Variants in MACROD2 observed in about 807,000 individuals in gnomAD.
The protein encoded by MACROD2 is ADP-ribose glycohydrolase MACROD2.
Under a neutral mutation model 70.4 loss-of-function variants are expected in MACROD2, and 36 were observed. That is an observed-to-expected ratio of 0.51 (90% confidence interval 0.39 to 0.68). The LOEUF is 0.68. Among genes scored for constraint, MACROD2 ranks in the 30% least tolerant of loss-of-function variants. MACROD2 has a pLI of 0.00. For synonymous variants in MACROD2, 172 were observed against 178.8 expected, an observed-to-expected ratio of 0.96 and a Z score of 0.30; for missense variants, 496 against 538.4, an observed-to-expected ratio of 0.92 and a Z score of 0.78.
intron 3 of MACROD2, among the ~76,000 whole-genome samples, chr20:14,413,148 A>C: frequency 6.7e-6 from 1 of 149,830 alleles, no homozygotes; most frequent in East Asian, 2.0e-4. Flanking sequence ...TTGAGCTGGT[A>C]TTGGAACCCA....
chr20:15,817,513 G>A lies in MACROD2; in HGVS notation c.646-45232G>A, dbSNP rs143927162. On this transcript the variant is annotated intron_variant, in intron 8 of 17. Coordinates refer to ENST00000684519, the MANE Select transcript of MACROD2 (RefSeq NM_001351661.2). ...TGCAAGCTTGAATGGTATCTAATGA[G>A]TTCATACCAAACTATGCCCAAAATG... Among the ~76,000 whole-genome samples the A allele has an allele frequency of 6.0e-3, 918 of 152,230 alleles. 4 individuals are homozygous for A. The highest frequency in any genetic ancestry group is 0.021 in the African/African-American group (886 of 41,526).
chr20:15,302,231 A>G (rs551207534), intron 6 of MACROD2, among the ~76,000 whole-genome samples: 5 of 152,142 alleles, frequency 3.3e-5, no homozygotes, highest in Non-Finnish European at 5.9e-5. Flanking sequence ...TCTGAAGGTC[A>G]TTCCTTTGAC....
At chr20:15,951,361 A>G (rs1465351964) in intron 12 of MACROD2, among the ~76,000 whole-genome samples, 3 of 151,812 alleles carry the variant, frequency 2.0e-5, no homozygotes, top group Non-Finnish European at 2.9e-5. Context: ...AAAGAGAGAG[A>G]GAGAGAGAAA....
intron 3 of MACROD2, among the ~76,000 whole-genome samples, chr20:14,155,592 G>A (rs766803593): frequency 6.6e-6 from 1 of 151,998 alleles, no homozygotes; most frequent in Non-Finnish European, 1.5e-5. Context: ...CTTTAGTCTG[G>A]CTTTATTTAA....
intron 1 of MACROD2, among the ~76,000 whole-genome samples, chr20:13,998,040 A>G (rs1284008380): frequency 6.6e-6 from 1 of 152,190 alleles, no homozygotes; most frequent in East Asian, 1.9e-4. Context: ...AAGGCATTCT[A>G]TAAACATATT....
At chr20:15,591,470 C>T (rs2048678874) in intron 8 of MACROD2, among the ~76,000 whole-genome samples, 1 of 151,814 alleles carries the variant, frequency 6.6e-6, no homozygotes, top group African/African-American at 2.4e-5. Context: ...CAGGGCCTGT[C>T]ACTGCCCCTC....
At chr20:15,754,493 C>T (rs191351601) in intron 8 of MACROD2, among the ~76,000 whole-genome samples, 16 of 152,078 alleles carry the variant, frequency 1.1e-4, no homozygotes. Flanking sequence ...TGTGGTGACC[C>T]ATGCTACTCG....
chr20:15,769,305 G>A (rs1020649371), intron 8 of MACROD2, among the ~76,000 whole-genome samples: 1 of 152,132 alleles, frequency 6.6e-6, no homozygotes, highest in East Asian at 1.9e-4. Context: ...GCGCCACCAC[G>A]CCCGGCTAAT....
chr20:15,997,309 C>T (rs902541165), intron 15 of MACROD2, among the ~76,000 whole-genome samples: 5 of 152,066 alleles, frequency 3.3e-5, no homozygotes, highest in African/African-American at 1.2e-4. Flanking sequence ...GGCATTTTAA[C>T]AACATTAATT....
At chr20:15,951,342 CACACACACAA>C (rs1241419675) in intron 12 of MACROD2, among the ~76,000 whole-genome samples, 1 of 149,194 alleles carries the variant, frequency 6.7e-6, no homozygotes, top group Non-Finnish European at 1.5e-5. Context: ...CACACACACA[CACACACACAA>C]AGAGAGAGAG....
At chr20:14,276,003 A>G (rs2122380430) in intron 3 of MACROD2, among the ~76,000 whole-genome samples, 1 of 152,108 alleles carries the variant, frequency 6.6e-6, no homozygotes, top group East Asian at 1.9e-4. Context: ...ATGTGGAGAA[A>G]TAGGAACACT....
intron 10 of MACROD2, among the ~76,000 whole-genome samples, chr20:15,914,125 G>A (rs951967559): frequency 3.3e-5 from 5 of 152,208 alleles, no homozygotes; most frequent in African/African-American, 9.6e-5. Flanking sequence ...GTTACAGGAA[G>A]ACTATTAACC....
At chr20:15,454,402 T>C (rs1245993359) in intron 7 of MACROD2, among the ~76,000 whole-genome samples, 1 of 126,270 alleles carries the variant, frequency 7.9e-6, no homozygotes. Flanking sequence ...ATTTGACATA[T>C]TCAAACACAC....
At chr20:14,235,814 C>T (rs2081864003) in intron 3 of MACROD2, among the ~76,000 whole-genome samples, 1 of 152,124 alleles carries the variant, frequency 6.6e-6, no homozygotes, top group Non-Finnish European at 1.5e-5. Flanking sequence ...AAGTTGCAGA[C>T]CTCATTTACA....
chr20:14,364,439 T>C (rs1024469448), intron 3 of MACROD2, among the ~76,000 whole-genome samples: 14 of 152,192 alleles, frequency 9.2e-5, no homozygotes, highest in African/African-American at 3.4e-4. Context: ...AATTTAAAAA[T>C]TATTGTGAAA....
intron 5 of MACROD2, among the ~76,000 whole-genome samples, chr20:14,771,767 CACATAT>C (rs1568787192): frequency 6.0e-5 from 9 of 151,106 alleles, no homozygotes; most frequent in African/African-American, 2.2e-4. Context: ...CACACACATA[CACATAT>C]GGTGTATATA....
At chr20:14,056,740 T>C (rs1042699863) in intron 2 of MACROD2, among the ~76,000 whole-genome samples, 1 of 152,016 alleles carries the variant, frequency 6.6e-6, no homozygotes, top group South Asian at 2.1e-4. Context: ...GTGATACATA[T>C]AAGATCAGTA....
At chr20:14,431,108 T>C (rs552342452) in intron 3 of MACROD2, among the ~76,000 whole-genome samples, 7 of 152,266 alleles carry the variant, frequency 4.6e-5, no homozygotes, top group Middle Eastern at 3.4e-3. Context: ...CAGAGTATAT[T>C]GAGCCTGAAT....
At chr20:14,234,805 G>A (rs2081853817) in intron 3 of MACROD2, among the ~76,000 whole-genome samples, 1 of 152,106 alleles carries the variant, frequency 6.6e-6, no homozygotes, top group East Asian at 1.9e-4. Context: ...TCCAAGAGTG[G>A]ATGCCTCTCC....
Sources: gnomAD v4.1 joint callset for allele counts (sites outside exome capture counted in the v4.1 genomes callset) on GRCh38, gnomAD v4.1.1 for gene constraint, MANE v1.5 for transcripts, NCBI Gene and HGNC (gene_info 2026-07-23, HGNC 2026-07-21) for gene names.